The following SAMMSON variants were observed in gnomAD, a reference collection of about 807,000 sequenced individuals.
The protein encoded by SAMMSON is survival associated mitochondrial melanoma specific oncogenic non-coding RNA.
At chr3:70,369,006 T>C (rs887911681) in intron 9 of SAMMSON, among the ~76,000 whole-genome samples, 2 of 151,710 alleles carry the variant, frequency 1.3e-5, no homozygotes, top group African/African-American at 2.4e-5. Context: ...TTCCCATTTA[T>C]GTAGATTTTC....
chr3:70,219,755 A>G (rs977782717), intron 4 of SAMMSON, among the ~76,000 whole-genome samples: 3 of 152,182 alleles, frequency 2.0e-5, no homozygotes, highest in Middle Eastern at 3.2e-3. Flanking sequence ...GATTAAGAGC[A>G]ATTCTGAAAC....
chr3:70,218,222 T>C (rs1176938773), intron 4 of SAMMSON, among the ~76,000 whole-genome samples: 1 of 152,148 alleles, frequency 6.6e-6, no homozygotes, highest in Non-Finnish European at 1.5e-5. Flanking sequence ...TTAAAACACT[T>C]ATTTCTATTT....
At chr3:70,390,088 A>T (rs1046100043), downstream of SAMMSON, among the ~76,000 whole-genome samples, 1 of 152,154 alleles carries the variant, frequency 6.6e-6, no homozygotes, top group African/African-American at 2.4e-5. Flanking sequence ...ATTTAAAGAC[A>T]GTACAGACTT....
chr3:70,080,215 C>T (rs1045437660), intron 4 of SAMMSON, among the ~76,000 whole-genome samples: 3 of 152,282 alleles, frequency 2.0e-5, no homozygotes, highest in African/African-American at 4.8e-5. Context: ...GTTGTACAAC[C>T]CTTCTAGGAG....
intron 7 of SAMMSON, among the ~76,000 whole-genome samples, chr3:70,329,255 T>C (rs1702602949): frequency 6.6e-6 from 1 of 152,166 alleles, no homozygotes; most frequent in South Asian, 2.1e-4. Flanking sequence ...AATAAGTTCT[T>C]AGTTTTTAAA....
chr3:70,191,569 C>T (rs1182191994), intron 4 of SAMMSON, among the ~76,000 whole-genome samples: 1 of 152,170 alleles, frequency 6.6e-6, no homozygotes, highest in Non-Finnish European at 1.5e-5. Flanking sequence ...GCATTTATTA[C>T]TTATTGGGTA....
intron 2 of SAMMSON, among the ~76,000 whole-genome samples, chr3:70,414,022 T>C (rs1438004052): frequency 6.6e-6 from 1 of 152,096 alleles, no homozygotes; most frequent in African/African-American, 2.4e-5. Context: ...TAGTCTTTTG[T>C]AGAAAAGAGC....
At chr3:70,131,587 A>C (rs1056349272) in intron 4 of SAMMSON, among the ~76,000 whole-genome samples, 30 of 152,070 alleles carry the variant, frequency 2.0e-4, no homozygotes, top group African/African-American at 7.0e-4. Context: ...AAGGCAATAT[A>C]ATTTGCAATT....
Position 70,138,212 on chromosome 3 carries a change from G to T in SAMMSON, n.507+66647G>T, listed in dbSNP as rs141254399. On this transcript the variant is annotated intron_variant and non_coding_transcript_variant, in intron 4 of 9. Transcript: ENST00000642114. ...CATTTTCATTGGCACTTTAAAATCTGTATTAAATAAAATCCCCATTTTTTG... is the reference window on the plus strand; with the variant it reads ...CATTTTCATTGGCACTTTAAAATCTTTATTAAATAAAATCCCCATTTTTTG... Among the ~76,000 whole-genome samples, 750 of 152,288 alleles carry T rather than the reference G, an allele frequency of 4.9e-3. 3 individuals carry two copies. Among genetic ancestry groups the T allele is most frequent in the Non-Finnish European group, 6.8e-3 (460 of 68,024 alleles).
rs549162920 is a variant in SAMMSON, at chr3:70,288,158, C to G, written n.675-3021C>G. Among the ~76,000 whole-genome samples, 372 of 143,952 alleles carry G rather than the reference C, an allele frequency of 2.6e-3. 2 individuals are homozygous for G. Among genetic ancestry groups the G allele is most frequent in the African/African-American group, 8.9e-3 (340 of 38,286 alleles). 94.4% of individuals were successfully genotyped at this position (143,952 alleles called of 152,430 possible). On this transcript the variant is annotated intron_variant and non_coding_transcript_variant, in intron 6 of 9. Transcript: ENST00000642114. ...TCTTTTAATTGTGATGTTAGGGTGT[C>G]AATTTTGGATCTTTCCTGCTTTCTC...
At chr3:70,179,909 A>G (rs570912796) in intron 4 of SAMMSON, among the ~76,000 whole-genome samples, 15 of 152,008 alleles carry the variant, frequency 9.9e-5, no homozygotes, top group Non-Finnish European at 8.8e-5. Flanking sequence ...AAAGATGCCC[A>G]GTGGATAGTG....
intron 4 of SAMMSON, among the ~76,000 whole-genome samples, chr3:70,144,999 A>G (rs1167015762): frequency 6.6e-6 from 1 of 152,028 alleles, no homozygotes; most frequent in Non-Finnish European, 1.5e-5. Flanking sequence ...TTGCCCACCA[A>G]CTAATTCTTA....
chr3:70,326,826 T>C (rs1413974009), intron 7 of SAMMSON, among the ~76,000 whole-genome samples: 2 of 152,190 alleles, frequency 1.3e-5, no homozygotes, highest in Non-Finnish European at 2.9e-5. Flanking sequence ...GGCATCATTG[T>C]ACATATTTGA....
intron 2 of SAMMSON, among the ~76,000 whole-genome samples, chr3:70,427,088 C>T (rs1319880897): frequency 6.6e-6 from 1 of 152,150 alleles, no homozygotes. Context: ...CAGTTTAAGA[C>T]AAGAATGAAT....
At chr3:70,351,355 C>T (rs1702794183) in intron 7 of SAMMSON, among the ~76,000 whole-genome samples, 1 of 151,996 alleles carries the variant, frequency 6.6e-6, no homozygotes, top group Non-Finnish European at 1.5e-5. Flanking sequence ...GGGATTTTTG[C>T]AAGGTTCTAT....
At chr3:70,180,492 A>G (rs144862562) in intron 4 of SAMMSON, among the ~76,000 whole-genome samples, 1 of 152,286 alleles carries the variant, frequency 6.6e-6, no homozygotes, top group East Asian at 1.9e-4. Context: ...ATATGTATGT[A>G]TGCTTAATAC....
intron 8 of SAMMSON, among the ~76,000 whole-genome samples, chr3:70,356,998 T>C (rs1702835019): frequency 6.6e-6 from 1 of 152,220 alleles, no homozygotes; most frequent in Non-Finnish European, 1.5e-5. Context: ...GTAAGTCACC[T>C]ACTTTTGAAG....
At chr3:70,303,543 C>G (rs1335953945) in intron 7 of SAMMSON, among the ~76,000 whole-genome samples, 1 of 152,316 alleles carries the variant, frequency 6.6e-6, no homozygotes, top group South Asian at 2.1e-4. Flanking sequence ...GTGAGCTACT[C>G]TTGCATTTTC....
rs145155593 is a variant in SAMMSON, at chr3:70,243,708, A to T, written n.508-5399A>T. ...CAGGTATTCCTAACGTCCCCTGGGGAGTGAAATCACCCTCAGTTGGGCATC... is the reference window on the plus strand; with the variant it reads ...CAGGTATTCCTAACGTCCCCTGGGGTGTGAAATCACCCTCAGTTGGGCATC... On this transcript the variant is annotated intron_variant and non_coding_transcript_variant, in intron 4 of 9. Transcript: ENST00000642114. Among the ~76,000 whole-genome samples the T allele has an allele frequency of 5.4e-3, 821 of 152,186 alleles. 4 individuals are homozygous for T. Among genetic ancestry groups the T allele is most frequent in the African/African-American group, 0.019 (780 of 41,518 alleles).
Sources: gnomAD v4.1 joint callset for allele counts (sites outside exome capture counted in the v4.1 genomes callset) on GRCh38, gnomAD v4.1.1 for gene constraint, MANE v1.5 for transcripts, NCBI Gene and HGNC (gene_info 2026-07-23, HGNC 2026-07-21) for gene names.